OTUD7A: variants seen among roughly 807,000 people sequenced by gnomAD.
OTUD7A encodes the protein OTU domain-containing protein 7A.
OTUD7A carries 12 observed loss-of-function variants against 65.7 expected under a neutral mutation model. The ratio of observed to expected loss-of-function variants is 0.18; its 90% CI spans 0.12 to 0.30. The LOEUF (loss-of-function observed/expected upper bound fraction) is 0.30, where lower values mean the gene tolerates loss of function less well. Among genes scored for constraint, OTUD7A ranks in the 10% least tolerant of loss-of-function variants. The pLI is 1.00. For missense variants in OTUD7A, 1,148 were observed against 1,304.8 expected (o/e 0.88, Z 1.85); for synonymous variants, 641 against 586.3 (o/e 1.09, Z -1.35).
intron 4 of OTUD7A, among the ~76,000 whole-genome samples, chr15:31,559,462 CATACACATACT>C (rs879528691): frequency 2.4e-4 from 37 of 152,122 alleles, no homozygotes; most frequent in Non-Finnish European, 2.9e-4. Context: ...TATACATGTG[CATACACATACT>C]GCACACATAC....
chr15:31,565,172 T>C lies in OTUD7A; in HGVS notation c.331+4846A>G, dbSNP rs115746580. Among the ~76,000 whole-genome samples, 1,090 of 152,300 alleles carry C rather than the reference T, an allele frequency of 7.2e-3. 11 individuals are homozygous for C. Among genetic ancestry groups the C allele is most frequent in the African/African-American group, 0.025 (1,053 of 41,570 alleles). The stretch of plus-strand genomic sequence containing the variant: ...ATCCAAGATATAGATTCAATATAGC[T>C]TGAATAATAGGCTGAGCTAATAGAA... On this transcript the variant is annotated intron_variant, in intron 4 of 12. Transcript: ENST00000307050.
chr15:31,597,883 G>A (rs1468388636), intron 3 of OTUD7A, among the ~76,000 whole-genome samples: 1 of 152,216 alleles, frequency 6.6e-6, no homozygotes, highest in African/African-American at 2.4e-5. Flanking sequence ...AGGGGCTGCT[G>A]GGCTTCTGAG....
chr15:31,583,289 T>C (rs556870591), intron 3 of OTUD7A, among the ~76,000 whole-genome samples: 1 of 152,326 alleles, frequency 6.6e-6, no homozygotes, highest in East Asian at 1.9e-4. Flanking sequence ...AGGCCACTTT[T>C]CTATGGATGC....
At chr15:31,618,637 T>G (rs1266218308) in intron 3 of OTUD7A, among the ~76,000 whole-genome samples, 2 of 151,956 alleles carry the variant, frequency 1.3e-5, no homozygotes, top group Admixed American at 1.3e-4. Flanking sequence ...TTTTTTTCTT[T>G]TAAATTTGTT....
chr15:31,828,153 G>A (rs994587766), intron 1 of OTUD7A, among the ~76,000 whole-genome samples: 4 of 152,066 alleles, frequency 2.6e-5, no homozygotes, highest in African/African-American at 9.7e-5. Context: ...GCTCCTCTGA[G>A]TCTTCCTCCT....
intron 1 of OTUD7A, among the ~76,000 whole-genome samples, chr15:31,741,239 C>T (rs1434726965): frequency 6.6e-6 from 1 of 152,122 alleles, no homozygotes; most frequent in African/African-American, 2.4e-5. Flanking sequence ...TTCCAAATAA[C>T]CCATAGGATT....
At position 31,870,496 on chromosome 15, in the gene OTUD7A, C is replaced by A. The variant is rs1469030075; in HGVS notation, c.-100+11G>T. 2.0e-5 allele frequency: 3 copies of A among 148,566 alleles called. No individual in the cohort carries two copies. Among genetic ancestry groups the A allele is most frequent in the Admixed American group, 6.7e-5 (1 of 14,882 alleles). 9.2% of individuals were successfully genotyped at this position (148,566 alleles called of 1,614,324 possible). ...CGCCCGCCGGCAGCACCGCGGCCAG[C>A]GCCGTCTTACCTGCCGCGCCGCGCC... is the stretch of plus-strand genomic sequence containing the variant. On this transcript the variant is annotated intron_variant, in intron 1 of 12. Coordinates refer to ENST00000307050, the MANE Select transcript of OTUD7A (RefSeq NM_001382637.1).
chr15:31,825,927 G>A (rs1420388620), intron 1 of OTUD7A, among the ~76,000 whole-genome samples: 7 of 152,214 alleles, frequency 4.6e-5, no homozygotes, highest in Admixed American at 4.6e-4. Flanking sequence ...TCAAATCCAG[G>A]TTATGATGAT....
intron 1 of OTUD7A, among the ~76,000 whole-genome samples, chr15:31,718,698 T>C (rs1192909054): frequency 8.2e-6 from 1 of 122,496 alleles, no homozygotes; most frequent in African/African-American, 2.6e-5. Flanking sequence ...AACAGCCCAC[T>C]TAGAAGCTTT....
At chr15:31,489,366 G>A (rs887140649) in intron 10 of OTUD7A, among the ~76,000 whole-genome samples, 1 of 152,220 alleles carries the variant, frequency 6.6e-6, no homozygotes, top group Admixed American at 6.5e-5. Context: ...TCTAGAACAA[G>A]AATAATCTGT....
chr15:31,834,551 T>A (rs765692073), intron 1 of OTUD7A, among the ~76,000 whole-genome samples: 2 of 152,198 alleles, frequency 1.3e-5, no homozygotes, highest in Non-Finnish European at 2.9e-5. Context: ...TGGTACAGAT[T>A]TCAGATGTAA....
At chr15:31,824,821 C>T (rs777803029) in intron 1 of OTUD7A, among the ~76,000 whole-genome samples, 3 of 152,160 alleles carry the variant, frequency 2.0e-5, no homozygotes, top group Non-Finnish European at 2.9e-5. Flanking sequence ...ATACTAAGCT[C>T]TGTACTTTTA....
chr15:31,745,616 C>T (rs896234597), intron 1 of OTUD7A, among the ~76,000 whole-genome samples: 14 of 152,098 alleles, frequency 9.2e-5, no homozygotes, highest in African/African-American at 3.1e-4. Context: ...TCTATCTTCA[C>T]AATTGGGGGT....
At chr15:31,604,502 G>T (rs1319428523) in intron 3 of OTUD7A, among the ~76,000 whole-genome samples, 7 of 152,128 alleles carry the variant, frequency 4.6e-5, no homozygotes. Context: ...TAGATGACGG[G>T]TTGATGGGTG....
chr15:31,796,467 T>G (rs144140714), intron 1 of OTUD7A, among the ~76,000 whole-genome samples: 1 of 152,312 alleles, frequency 6.6e-6, no homozygotes, highest in Non-Finnish European at 1.5e-5. Context: ...TCACCCACAT[T>G]AAGAAGGGCA....
rs1001911651 is a variant in OTUD7A at position 31,476,087 on chromosome 15, G to T, written c.*7207C>A. On this transcript the variant is annotated 3_prime_UTR_variant, in exon 13 of 13. Coordinates refer to ENST00000307050, the MANE Select transcript of OTUD7A (RefSeq NM_001382637.1). ...AGATGAGGCAGTAACAGGTCACTAA[G>T]GAGCTTAGTCCCTCTGTGGACCCAG... 6.6e-6 allele frequency: 1 copy of T among 152,232 alleles called. No individual in the cohort carries two copies. Among genetic ancestry groups the T allele is most frequent in the African/African-American group, 2.4e-5 (1 of 41,452 alleles). 9.4% of individuals were successfully genotyped at this position (152,232 alleles called of 1,614,324 possible).
intron 1 of OTUD7A, among the ~76,000 whole-genome samples, chr15:31,763,151 C>T (rs1895014193): frequency 6.6e-6 from 1 of 152,094 alleles, no homozygotes; most frequent in Non-Finnish European, 1.5e-5. Flanking sequence ...GGCCTGGTAG[C>T]ATGTACCTAT....
At chr15:31,733,902 G>A (rs1212660805) in intron 1 of OTUD7A, among the ~76,000 whole-genome samples, 18 of 152,176 alleles carry the variant, frequency 1.2e-4, no homozygotes, top group Admixed American at 1.1e-3. Flanking sequence ...CTACAGGTAC[G>A]GAGACAGGAC....
At chr15:31,744,151 GA>G (rs1894414685) in intron 1 of OTUD7A, among the ~76,000 whole-genome samples, 1 of 152,088 alleles carries the variant, frequency 6.6e-6, no homozygotes, top group South Asian at 2.1e-4. Context: ...CCTTAAAAAA[GA>G]CATAGATGAC....
Sources: gnomAD v4.1 joint callset for allele counts (sites outside exome capture counted in the v4.1 genomes callset) on GRCh38, gnomAD v4.1.1 for gene constraint, MANE v1.5 for transcripts, NCBI Gene and HGNC (gene_info 2026-07-23, HGNC 2026-07-21) for gene names.